MYO15A: variants seen among roughly 807,000 people sequenced by gnomAD.
MYO15A encodes the protein myosin XVA, also known as unconventional myosin-XV.
Under a neutral mutation model 394.6 loss-of-function variants are expected in MYO15A, and 308 were observed. The ratio of observed to expected loss-of-function variants is 0.78; its 90% CI spans 0.71 to 0.86. The LOEUF is 0.86. Ranked by LOEUF, MYO15A falls within the 40% of genes least tolerant of loss-of-function variation. MYO15A has a pLI of 0.00. For missense variants in MYO15A, 4,606 were observed against 4,799.1 expected (o/e 0.96, Z 1.19); for synonymous variants, 1,957 against 2,003.8 (o/e 0.98, Z 0.62).
chr17:18,141,431 T>G (rs1260060230), intron 22 of MYO15A, among the ~76,000 whole-genome samples: 1 of 152,262 alleles, frequency 6.6e-6, no homozygotes, highest in Non-Finnish European at 1.5e-5. Flanking sequence ...GGCAGTCAAG[T>G]GTCCTGTTGT....
In MYO15A at chr17:18,120,986, C is replaced by T. The variant is rs747777586; in HGVS notation, c.2186C>T (p.Pro729Leu). 2.0e-6 allele frequency: 3 copies of T among 1,502,910 alleles called. No individual in the cohort carries two copies. Among genetic ancestry groups the T allele is most frequent in the South Asian group, 2.5e-5 (2 of 80,790 alleles). The allele number at this position is 1,502,910 out of a possible 1,614,324, so 93.1% of individuals were successfully genotyped here. Residue 729 changes from proline to leucine, a missense_variant, in exon 2 of 66, where the codon CCG becomes CTG. By Grantham distance (98) the Pro-to-Leu change is moderately conservative. Around this residue, in one of 2 missense-constraint regions of MYO15A, gnomAD observed 1,830 missense variants for 1,689.7 expected, o/e 1.08. Coordinates refer to ENST00000647165, the MANE Select transcript of MYO15A (RefSeq NM_016239.4). ...TTCGTGGAGCCCCCTGCCGTGAGCC[C>T]GGAGGTGCCCCCCGACCTACTAGCC... ...WAFVEPPAVS[P>L]EVPPDLLAFP...
rs1392146579 is a variant in MYO15A, at chr17:18,139,873, T to G, written c.5211+262T>G. Among the ~76,000 whole-genome samples, 4 of 152,328 alleles carry G rather than the reference T, an allele frequency of 2.6e-5. No homozygotes were observed. The East Asian group carries it at 7.7e-4, about 29-fold the overall frequency. ...GGCTAGACTCTGGCCCCGCTCCCAG[T>G]TCTAACCCTGTACCCCACCAGCTGT... On this transcript the variant is annotated intron_variant, in intron 19 of 65. Transcript: ENST00000647165.
chr17:18,145,539 C>T (rs1047628167), intron 29 of MYO15A, among the ~76,000 whole-genome samples: 9 of 151,986 alleles, frequency 5.9e-5, no homozygotes, highest in Non-Finnish European at 1.0e-4. Context: ...CATGGTGAAA[C>T]GCTGTCTCTA....
chr17:18,132,343 C>A lies in MYO15A; in HGVS notation c.4207-110C>A. 2 of 845,972 alleles carry A rather than the reference C, an allele frequency of 2.4e-6. No homozygotes were observed. The highest frequency in any genetic ancestry group is 2.8e-5 in the South Asian group (2 of 72,510). The allele number at this position is 845,972 out of a possible 1,614,324, so 52.4% of individuals were successfully genotyped here. A position where few individuals can be genotyped will look rare whatever the true frequency, so the allele number is the denominator to read the frequency against. ...TCACAGAGGCGCGTGTTCTCATCTGCAGCCCACTGTGTGCATGTGCACTTG... is the reference window on the plus strand; with the variant it reads ...TCACAGAGGCGCGTGTTCTCATCTGAAGCCCACTGTGTGCATGTGCACTTG... On this transcript the variant is annotated intron_variant, in intron 10 of 65. Coordinates refer to ENST00000647165, the MANE Select transcript of MYO15A (RefSeq NM_016239.4). The surrounding 1 kb of genome is among the most constrained non-coding windows in gnomAD (Gnocchi z 4.6).
Position 18,119,948 on chromosome 17 carries a change from G to A in MYO15A, c.1148G>A (p.Gly383Asp), listed in dbSNP as rs1182066148. The change falls in exon 2 of 66, where the codon GGC becomes GAC. Residue 383 changes from glycine to aspartate, a missense_variant. Gly to Asp is a moderately conservative substitution (Grantham distance 94). Coordinates refer to ENST00000647165, the MANE Select transcript of MYO15A (RefSeq NM_016239.4). Reference sequence around the variant, plus strand: ...CACTACACCGTCCCCTATGCCGAAGGCGTCTATGGCGGTGGGGACGAGGCC... The same window carrying A: ...CACTACACCGTCCCCTATGCCGAAGACGTCTATGGCGGTGGGGACGAGGCC... Reference protein sequence around the residue: ...GVHYTVPYAEGVYGGGDEAIY... With the variant: ...GVHYTVPYAEDVYGGGDEAIY... 17 of 1,613,578 alleles carry A rather than the reference G, an allele frequency of 1.1e-5. No homozygotes were observed. The highest frequency in any genetic ancestry group is 1.4e-5 in the Non-Finnish European group (17 of 1,180,016).
At chr17:18,173,526 C>A in intron 64 of MYO15A, 1 of 531,010 alleles carries the variant, frequency 1.9e-6, no homozygotes, top group Non-Finnish European at 3.5e-6. Context: ...GCACTTAGAG[C>A]ACTTAGAACA....
intron 62 of MYO15A, among the ~76,000 whole-genome samples, chr17:18,168,637 C>T (rs1597821878): frequency 1.3e-5 from 2 of 152,032 alleles, no homozygotes; most frequent in African/African-American, 4.8e-5. Context: ...AACACCTGGG[C>T]TCAAGTAACC....
At chr17:18,125,074 C>T in intron 3 of MYO15A, 94 bp from the exon 4 acceptor site, 1 of 1,186,398 alleles carries the variant, frequency 8.4e-7, no homozygotes, top group Non-Finnish European at 1.3e-6. Context: ...GAATTCAGGC[C>T]TATCTGATCA....
In MYO15A at chr17:18,172,229, C is replaced by T; in HGVS notation, c.10289C>T (p.Pro3430Leu). The T allele has an allele frequency of 6.2e-7, 1 of 1,614,246 alleles. No homozygotes were observed. Among genetic ancestry groups the T allele is most frequent in the Non-Finnish European group, 8.5e-7 (1 of 1,180,052 alleles). Residue 3430 changes from proline (P) to leucine (L), a missense_variant, in exon 64 of 66, where the codon CCA becomes CTA. Transcript: ENST00000647165. ...FIQSCSNIAV[P>L]APCILAINHN... The stretch of plus-strand genomic sequence containing the variant: ...CAGAGCTGCAGCAACATTGCTGTGC[C>T]AGCCCCTTGCATCCTTGCCATCAAC...
rs1211008414 is a variant in MYO15A at position 18,147,870 on chromosome 17, T to G, written c.6510-159T>G. ...ACTGGACTCTAGCCTGGGACCCTTGTGAACCAGCCTGGAGCCTTTTTAGCC... is the reference window on the plus strand; with the variant it reads ...ACTGGACTCTAGCCTGGGACCCTTGGGAACCAGCCTGGAGCCTTTTTAGCC... On this transcript the variant is annotated intron_variant, in intron 30 of 65. Coordinates refer to ENST00000647165, the MANE Select transcript of MYO15A (RefSeq NM_016239.4). This position sits in a 1 kb window ranked among gnomAD's most constrained non-coding sequence, Gnocchi z 4.4. 6.6e-6 allele frequency among the ~76,000 whole-genome samples: 1 copy of G among 152,168 alleles called. No individual in the cohort carries two copies. Among genetic ancestry groups the G allele is most frequent in the East Asian group, 1.9e-4 (1 of 5,196 alleles).
At chr17:18,156,912 G>C in intron 48 of MYO15A, 42 bp from the exon 49 acceptor site, 1 of 1,565,848 alleles carries the variant, frequency 6.4e-7, no homozygotes, top group Non-Finnish European at 8.8e-7. Context: ...TGGGAGTGGG[G>C]TGATAGGGCT....
rs776057744 is a variant in MYO15A, at chr17:18,141,696, G to C, written c.5575G>C (p.Gly1859Arg). The C allele has an allele frequency of 2.5e-6, 4 of 1,613,956 alleles. No homozygotes were observed. Among genetic ancestry groups the C allele is most frequent in the Admixed American group, 1.7e-5 (1 of 60,010 alleles). ...CCTCAAGCATGACCTGCCGGCTAATGGGGACATGTGTGTGTCAGTGCTGAG... is the reference window on the plus strand; with the variant it reads ...CCTCAAGCATGACCTGCCGGCTAATCGGGACATGTGTGTGTCAGTGCTGAG... ...VALKHDLPANGDMCVSVLSRL... is the reference protein window; with the variant it reads ...VALKHDLPANRDMCVSVLSRL... The change falls in exon 23 of 66, where the codon GGG becomes CGG. Residue 1859 changes from glycine (G) to arginine (R), a missense_variant. Transcript: ENST00000647165.
At chr17:18,161,185 C>T (rs775612381) in intron 56 of MYO15A, 132 bp from the exon 57 acceptor site, 17 of 1,274,716 alleles carry the variant, frequency 1.3e-5, no homozygotes, top group Admixed American at 2.0e-5. Context: ...CATATCACTG[C>T]GCAGGGAGGG....
chr17:18,112,388 A>G (rs2045732771), intron 1 of MYO15A, among the ~76,000 whole-genome samples: 1 of 150,334 alleles, frequency 6.7e-6, no homozygotes, highest in South Asian at 2.1e-4. Context: ...CCATTTTCAC[A>G]TATACACTTT....
Position 18,120,492 on chromosome 17 carries a change from C to G in MYO15A, c.1692C>G (p.Pro564=), listed in dbSNP as rs570222360. The part of the protein sequence containing the change: ...GLGFGPEFGR[P]VPRPATSLAR... ...GCTTCGGCCCTGAGTTTGGCCGCCCCGTGCCTCGCCCTGCCACCTCGCTTG... is the reference window on the plus strand; with the variant it reads ...GCTTCGGCCCTGAGTTTGGCCGCCCGGTGCCTCGCCCTGCCACCTCGCTTG... The change falls in exon 2 of 66, where the codon CCC becomes CCG. Residue 564 remains proline, a synonymous_variant. Coordinates refer to ENST00000647165, the MANE Select transcript of MYO15A (RefSeq NM_016239.4). The G allele has an allele frequency of 7.0e-6, 11 of 1,573,836 alleles. No homozygotes were observed. The highest frequency in any genetic ancestry group is 7.0e-5 in the East Asian group (3 of 43,110).
rs1465170593 is a variant in MYO15A, at chr17:18,148,450, T to C, written c.6692-46T>C. 1 of 1,548,714 alleles carries C rather than the reference T, an allele frequency of 6.5e-7. No individual in the cohort carries two copies. Among genetic ancestry groups the C allele is most frequent in the Non-Finnish European group, 8.7e-7 (1 of 1,144,988 alleles). On this transcript the variant is annotated intron_variant, in intron 31 of 65. Transcript: ENST00000647165. This position sits in a 1 kb window ranked among gnomAD's most constrained non-coding sequence, Gnocchi z 4.8. ...AGCAAGCAGGGAGGCACAGCCAAAC[T>C]GGACTCAGATGCTCCAACCTGAGCC...
chr17:18,139,709 T>G, intron 19 of MYO15A, 98 bp downstream of exon 19: 1 of 1,387,142 alleles, frequency 7.2e-7, no homozygotes, highest in Non-Finnish European at 1.0e-6. Context: ...TGCCACGTCC[T>G]GGCTCCGCTT....
At chr17:18,125,323 C>A in intron 4 of MYO15A, 92 bp downstream of exon 4, 2 of 1,258,730 alleles carry the variant, frequency 1.6e-6, no homozygotes, top group Non-Finnish European at 2.3e-6. Flanking sequence ...CTCTTGTGGG[C>A]CCTAGCCCCT....
chr17:18,150,847 G>A lies in MYO15A; in HGVS notation c.7407G>A (p.Met2469Ile), dbSNP rs753556196. The A allele has an allele frequency of 2.7e-5, 43 of 1,595,380 alleles. No individual in the cohort carries two copies. Among genetic ancestry groups the A allele is most frequent in the Non-Finnish European group, 3.4e-5 (40 of 1,171,258 alleles). The change falls in exon 38 of 66, where the codon ATG (methionine) becomes ATA (isoleucine). Residue 2469 changes from methionine to isoleucine, a missense_variant. Physicochemically the swap from Met to Ile is conservative, Grantham distance 10. Transcript: ENST00000647165. The surrounding 1 kb of genome is among the most constrained non-coding windows in gnomAD (Gnocchi z 4.4). ...HKQAVLLARE[M>I]TLQATALQQQ... ...CCACCTCTCCCCAGGCCCGGGAGAT[G>A]ACCCTGCAGGCCACGGCACTCCAGC... is the stretch of plus-strand genomic sequence containing the variant.
Sources: allele counts gnomAD v4.1 joint callset (sites outside exome capture counted in the v4.1 genomes callset), GRCh38; gene constraint gnomAD v4.1.1; regional missense constraint gnomAD v4.1.1; non-coding constraint Gnocchi (gnomAD v3.1); transcripts MANE v1.5; gene names NCBI Gene and HGNC (gene_info 2026-07-23, HGNC 2026-07-21).